The following DSCAM variants were observed in gnomAD, a reference collection of about 807,000 sequenced individuals.
DSCAM encodes the protein DS cell adhesion molecule.
DSCAM carries 47 observed loss-of-function variants against 217.7 expected under a neutral mutation model. The observed-to-expected ratio is 0.22, with a 90% CI of 0.17 to 0.28. DSCAM has a LOEUF of 0.28. Among genes scored for constraint, DSCAM ranks in the 10% least tolerant of loss-of-function variants. The pLI is 1.00. For synonymous variants in DSCAM, 1,056 were observed against 1,015.3 expected (o/e 1.04, Z -0.76); for missense variants, 2,080 against 2,618.3 (o/e 0.79, Z 4.49).
chr21:40,616,248 T>G (rs1220977084), intron 3 of DSCAM, among the ~76,000 whole-genome samples: 1 of 152,190 alleles, frequency 6.6e-6, no homozygotes, highest in Non-Finnish European at 1.5e-5. Context: ...CTCACATCTC[T>G]TCAGGAAGGC....
At chr21:40,243,998 C>T (rs1349842268) in intron 11 of DSCAM, among the ~76,000 whole-genome samples, 3 of 152,144 alleles carry the variant, frequency 2.0e-5, no homozygotes. Flanking sequence ...ATAAATGCAC[C>T]TTGATGCCCA....
intron 1 of DSCAM, among the ~76,000 whole-genome samples, chr21:40,783,667 G>A (rs528218126): frequency 6.6e-5 from 10 of 152,314 alleles, no homozygotes; most frequent in South Asian, 2.1e-4. Context: ...AAAGAATCCC[G>A]AGCAATGGAG....
intron 3 of DSCAM, among the ~76,000 whole-genome samples, chr21:40,394,587 C>T (rs943053532): frequency 6.6e-6 from 1 of 152,192 alleles, no homozygotes; most frequent in Non-Finnish European, 1.5e-5. Context: ...TCAACCAAGG[C>T]AGGTAAACCA....
At chr21:40,830,337 GC>G (rs34972654) in intron 1 of DSCAM, among the ~76,000 whole-genome samples, 110,072 of 151,524 alleles carry the variant, frequency 0.73, 40,147 homozygotes, top group African/African-American at 0.78. Flanking sequence ...CTATCATGAA[GC>G]ACAGCGCCAC....
intron 3 of DSCAM, among the ~76,000 whole-genome samples, chr21:40,639,541 A>T (rs561892203): frequency 1.2e-4 from 19 of 152,350 alleles, no homozygotes; most frequent in African/African-American, 4.6e-4. Context: ...GTGAATAACA[A>T]ATCAGTACAT....
intron 3 of DSCAM, among the ~76,000 whole-genome samples, chr21:40,478,059 G>C (rs1335562968): frequency 1.3e-5 from 2 of 152,110 alleles, no homozygotes; most frequent in Non-Finnish European, 2.9e-5. Flanking sequence ...AATAGGATAG[G>C]TTCGTTTTGC....
chr21:40,517,149 C>T (rs2076307824), intron 3 of DSCAM, among the ~76,000 whole-genome samples: 1 of 148,030 alleles, frequency 6.8e-6, no homozygotes, highest in African/African-American at 2.5e-5. Flanking sequence ...TATATATTTA[C>T]ATATAAATAC....
chr21:40,248,903 T>C (rs978887052), intron 11 of DSCAM, among the ~76,000 whole-genome samples: 2 of 152,184 alleles, frequency 1.3e-5, no homozygotes, highest in African/African-American at 4.8e-5. Flanking sequence ...CGAAAGCCAC[T>C]TCTTACATGG....
chr21:40,145,950 G>A (rs78612866), intron 16 of DSCAM, among the ~76,000 whole-genome samples: 9,178 of 146,408 alleles, frequency 0.063, 311 homozygotes, highest in East Asian at 0.14. Flanking sequence ...ATGTGTATGC[G>A]TGTATGTATA....
In DSCAM at chr21:40,052,141, C is replaced by T. The variant is rs188448666; in HGVS notation, c.5036-34G>A. ...TGGCAGGAACACAGAAAGCCAAACA[C>T]GTTTATCTCCCTTCCAACCACTCCC... is the stretch of plus-strand genomic sequence containing the variant. On this transcript the variant is annotated intron_variant, in intron 29 of 32. Transcript: ENST00000400454. 1.8e-4 allele frequency: 290 copies of T among 1,609,374 alleles called. 4 individuals carry two copies. The Admixed American group carries it at 3.8e-3, about 21-fold the overall frequency.
intron 9 of DSCAM, among the ~76,000 whole-genome samples, chr21:40,304,493 G>C (rs903385707): frequency 6.6e-6 from 1 of 152,216 alleles, no homozygotes; most frequent in Admixed American, 6.5e-5. Context: ...TTGCCCTCAA[G>C]AACTTTTCCT....
At chr21:40,567,739 A>T (rs575685954) in intron 3 of DSCAM, among the ~76,000 whole-genome samples, 4 of 152,316 alleles carry the variant, frequency 2.6e-5, no homozygotes, top group Admixed American at 2.6e-4. Flanking sequence ...TTTGTTTGCT[A>T]ATGTGTTAGC....
At chr21:40,807,007 T>C (rs2123523317) in intron 1 of DSCAM, among the ~76,000 whole-genome samples, 1 of 152,176 alleles carries the variant, frequency 6.6e-6, no homozygotes, top group Admixed American at 6.5e-5. Context: ...ATACCTAACG[T>C]AGATGATGGG....
At chr21:40,235,846 G>C (rs1424841432) in intron 11 of DSCAM, among the ~76,000 whole-genome samples, 2 of 151,834 alleles carry the variant, frequency 1.3e-5, no homozygotes, top group African/African-American at 4.8e-5. Flanking sequence ...CGTCACATTA[G>C]ATGCAATAAA....
intron 3 of DSCAM, among the ~76,000 whole-genome samples, chr21:40,610,003 C>A (rs951092532): frequency 2.0e-5 from 3 of 152,216 alleles, no homozygotes; most frequent in African/African-American, 7.2e-5. Context: ...AATCCTGCCT[C>A]ATAGGGAGAC....
chr21:40,079,388 C>T (rs2089419732), intron 25 of DSCAM, among the ~76,000 whole-genome samples: 2 of 152,204 alleles, frequency 1.3e-5, no homozygotes, highest in Non-Finnish European at 2.9e-5. Flanking sequence ...CAACTAAACA[C>T]TTGGTCTTGG....
intron 11 of DSCAM, 137 bp downstream of exon 11, chr21:40,275,960 A>C (rs1347729059): frequency 2.2e-6 from 2 of 893,968 alleles, no homozygotes; most frequent in Non-Finnish European, 3.1e-6. Flanking sequence ...ACAAAACTTT[A>C]AACCCAGCTA....
At chr21:40,819,483 T>C (rs953548050) in intron 1 of DSCAM, among the ~76,000 whole-genome samples, 5 of 152,194 alleles carry the variant, frequency 3.3e-5, no homozygotes, top group African/African-American at 7.2e-5. Flanking sequence ...ACGTTCCCAA[T>C]TGCATACTTA....
chr21:40,131,053 A>G (rs2090149899), intron 19 of DSCAM, among the ~76,000 whole-genome samples: 1 of 152,236 alleles, frequency 6.6e-6, no homozygotes, highest in South Asian at 2.1e-4. Context: ...ATTGAGAAAG[A>G]ACTGAGCAAA....
Sources: allele counts gnomAD v4.1 joint callset (sites outside exome capture counted in the v4.1 genomes callset), GRCh38; gene constraint gnomAD v4.1.1; transcripts MANE v1.5; gene names NCBI Gene and HGNC (gene_info 2026-07-23, HGNC 2026-07-21).